PCDHGA3: variants seen among roughly 807,000 people sequenced by gnomAD.
PCDHGA3 encodes the protein protocadherin gamma-A3.
In PCDHGA3, 40 loss-of-function variants were observed where a neutral mutation model predicts 58.5. The observed-to-expected ratio is 0.68, with a 90% confidence interval of 0.53 to 0.89. PCDHGA3 has a LOEUF of 0.89. PCDHGA3 is among the 40% of genes least tolerant of loss of function. The probability of loss-of-function intolerance (pLI) is 0.00; values close to 1 mark genes in which losing one functional copy is unlikely to be tolerated. For synonymous variants in PCDHGA3, 530 were observed against 525.7 expected (o/e 1.01, Z -0.11); for missense variants, 1,223 against 1,195.9 (o/e 1.02, Z -0.33).
intron 1 of PCDHGA3, among the ~76,000 whole-genome samples, chr5:141,456,862 C>T (rs1385304686): frequency 6.6e-6 from 1 of 152,086 alleles, no homozygotes; most frequent in Non-Finnish European, 1.5e-5. Context: ...AATTGGGAGG[C>T]TGAGGCAGGA....
chr5:141,371,221 A>G, intron 1 of PCDHGA3: 1 of 1,614,064 alleles, frequency 6.2e-7, no homozygotes, highest in Non-Finnish European at 8.5e-7. Context: ...ATCAATGCCG[A>G]AATCATCTAT....
intron 1 of PCDHGA3, chr5:141,360,972 CTCCTT>C: frequency 6.2e-7 from 1 of 1,613,868 alleles, no homozygotes; most frequent in Non-Finnish European, 8.5e-7. Flanking sequence ...AGATCACCTA[CTCCTT>C]TCATAATGTG....
At chr5:141,389,939 G>A in intron 1 of PCDHGA3, 1 of 1,614,082 alleles carries the variant, frequency 6.2e-7, no homozygotes, top group Non-Finnish European at 8.5e-7. Context: ...TCCAGGCTGA[G>A]CTGCAGTTTT....
intron 1 of PCDHGA3, chr5:141,492,033 C>A: frequency 1.8e-6 from 1 of 548,342 alleles, no homozygotes; most frequent in Non-Finnish European, 3.1e-6. Flanking sequence ...CGGGAGGAGG[C>A]AGTCACAGAT....
chr5:141,350,507 G>A, intron 1 of PCDHGA3: 1 of 1,614,040 alleles, frequency 6.2e-7, no homozygotes, highest in Non-Finnish European at 8.5e-7. Context: ...GGATTTGTTA[G>A]TGAACGGTAG....
At chr5:141,497,768 G>A (rs920949258) in intron 2 of PCDHGA3, among the ~76,000 whole-genome samples, 8 of 152,070 alleles carry the variant, frequency 5.3e-5, no homozygotes, top group East Asian at 1.9e-4. Flanking sequence ...CAAACTCCCC[G>A]ACCTCAACTG....
chr5:141,372,827 T>C (rs1457588912), intron 1 of PCDHGA3: 7 of 1,550,888 alleles, frequency 4.5e-6, no homozygotes, highest in Non-Finnish European at 6.1e-6. Flanking sequence ...TCTTCAAACC[T>C]TTCCTTCCAT....
intron 3 of PCDHGA3, 154 bp from the exon 4 acceptor site, chr5:141,510,793 G>GAGA: frequency 1.1e-6 from 1 of 935,078 alleles, no homozygotes; most frequent in Non-Finnish European, 1.3e-6. Context: ...CTCTTGTGAA[G>GAGA]AGAGACTACC....
intron 1 of PCDHGA3, chr5:141,376,073 GTGGCCGACAGGATCCCCGACATCC>G: frequency 1.2e-6 from 2 of 1,613,508 alleles, no homozygotes; most frequent in Non-Finnish European, 1.7e-6. Flanking sequence ...CACCGTGGCC[GTGGCCGACAGGATCCCCGACATCC>G]TGGCCGACCT....
intron 1 of PCDHGA3, chr5:141,384,549 G>T (rs1561602881): frequency 6.2e-7 from 1 of 1,614,244 alleles, no homozygotes; most frequent in East Asian, 2.2e-5. Flanking sequence ...CACTGAGCCT[G>T]TTCGTGCTGG....
Position 141,436,047 on chromosome 5 carries a change from T to G in PCDHGA3, c.2425-58760T>G, listed in dbSNP as rs141900903. On this transcript the variant is annotated intron_variant, in intron 1 of 3. Transcript: ENST00000253812. ...ATACTAAATTTGTATTTACATTAGT[T>G]TTCAAATAGAATTTAATAAGTACAG... is the stretch of plus-strand genomic sequence containing the variant. Among the ~76,000 whole-genome samples the G allele has an allele frequency of 1.0e-2, 1,517 of 152,280 alleles. 31 individuals carry two copies. The highest frequency in any genetic ancestry group is 0.034 in the African/African-American group (1,420 of 41,552).
intron 1 of PCDHGA3, among the ~76,000 whole-genome samples, chr5:141,382,462 T>A (rs1481999551): frequency 6.6e-6 from 1 of 152,240 alleles, no homozygotes; most frequent in Admixed American, 6.5e-5. Context: ...AGCAGTTTTT[T>A]AAAAATTATC....
rs1004176028 is a variant in PCDHGA3 at position 141,477,025 on chromosome 5, G to A, written c.2425-17782G>A. On this transcript the variant is annotated intron_variant, in intron 1 of 3. Transcript: ENST00000253812. This position sits in a 1 kb window ranked among gnomAD's most constrained non-coding sequence, Gnocchi z 4.9. ...TCGCCTTAGACCTTGTAACCGGGATGCTGACAATCAAGGGTCGGCTGGACT... is the reference window on the plus strand; with the variant it reads ...TCGCCTTAGACCTTGTAACCGGGATACTGACAATCAAGGGTCGGCTGGACT... 10 of 1,614,146 alleles carry A rather than the reference G, an allele frequency of 6.2e-6. No homozygotes were observed. Among genetic ancestry groups the A allele is most frequent in the East Asian group, 2.2e-5 (1 of 44,888 alleles).
chr5:141,457,413 A>C (rs939244132), intron 1 of PCDHGA3, among the ~76,000 whole-genome samples: 6 of 152,142 alleles, frequency 3.9e-5, no homozygotes, highest in Non-Finnish European at 5.9e-5. Flanking sequence ...CACATTACCC[A>C]TCCCTTTTTC....
At chr5:141,429,523 A>G (rs1009016050) in intron 1 of PCDHGA3, among the ~76,000 whole-genome samples, 1 of 152,174 alleles carries the variant, frequency 6.6e-6, no homozygotes, top group Non-Finnish European at 1.5e-5. Context: ...CAGAGAAAAA[A>G]GCTTAAAAAA....
At chr5:141,407,875 A>G (rs957717882) in intron 1 of PCDHGA3, 8 of 361,396 alleles carry the variant, frequency 2.2e-5, no homozygotes, top group African/African-American at 8.4e-5. Context: ...AAGAATATAT[A>G]CATTTCGGAG....
At chr5:141,384,580 G>C in intron 1 of PCDHGA3, 1 of 1,614,196 alleles carries the variant, frequency 6.2e-7, no homozygotes, top group Non-Finnish European at 8.5e-7. Flanking sequence ...CAACCCGCCC[G>C]AGATCCTGTA....
At chr5:141,422,138 T>G (rs1201680879) in intron 1 of PCDHGA3, 1 of 1,587,640 alleles carries the variant, frequency 6.3e-7, no homozygotes, top group Admixed American at 1.9e-5. Context: ...GAAGTTCAAG[T>G]ACGGGGGTCT....
intron 1 of PCDHGA3, chr5:141,376,461 T>C: frequency 1.2e-6 from 2 of 1,614,210 alleles, no homozygotes; most frequent in South Asian, 1.1e-5. Flanking sequence ...CCTCTTCTGA[T>C]AACTCAGGAT....
Sources: gnomAD v4.1 joint callset for allele counts (sites outside exome capture counted in the v4.1 genomes callset) on GRCh38, gnomAD v4.1.1 for gene constraint, Gnocchi (gnomAD v3.1) non-coding constraint, MANE v1.5 for transcripts, NCBI Gene and HGNC (gene_info 2026-07-23, HGNC 2026-07-21) for gene names.